The following SLC39A8 variants were observed in gnomAD, a reference collection of about 807,000 sequenced individuals.
SLC39A8 encodes the protein solute carrier family 39 member 8.
A neutral mutation model predicts 40.4 loss-of-function variants in SLC39A8; 15 were observed. That is an observed-to-expected ratio of 0.37 (90% CI 0.25 to 0.57). The LOEUF (loss-of-function observed/expected upper bound fraction) is 0.57, where lower values mean the gene tolerates loss of function less well. Ranked by LOEUF, SLC39A8 falls within the 20% of genes least tolerant of loss-of-function variation. SLC39A8 has a pLI of 0.75. For missense variants in SLC39A8, 472 were observed against 558.8 expected, an observed-to-expected ratio of 0.84 and a Z score of 1.57; for synonymous variants, 223 against 221.6, an observed-to-expected ratio of 1.01 and a Z score of -0.06.
intron 6 of SLC39A8, among the ~76,000 whole-genome samples, chr4:102,292,514 C>T (rs7655493): frequency 0.42 from 64,433 of 151,826 alleles, 13,782 homozygotes; most frequent in Non-Finnish European, 0.44. Flanking sequence ...AATCCATCTA[C>T]TTTTGAATCT....
chr4:102,284,841 T>TG (rs1560537319), intron 6 of SLC39A8, among the ~76,000 whole-genome samples: 11 of 56,882 alleles, frequency 1.9e-4, no homozygotes, highest in African/African-American at 1.2e-3. Flanking sequence ...CCCAGGAAAC[T>TG]ATAATGATGG....
At chr4:102,304,189 A>C in intron 6 of SLC39A8, 128 bp downstream of exon 6, 1 of 603,370 alleles carries the variant, frequency 1.7e-6, no homozygotes, top group South Asian at 2.8e-5. Context: ...CATTCCAGTT[A>C]CCCCACATAT....
chr4:102,306,495 A>G (rs1312430838), intron 4 of SLC39A8, among the ~76,000 whole-genome samples: 1 of 73,274 alleles, frequency 1.4e-5, no homozygotes, highest in Non-Finnish European at 2.6e-5. Context: ...CTATAACTCT[A>G]AAAAGTTATA....
At chr4:102,317,925 C>T (rs529369753) in intron 2 of SLC39A8, among the ~76,000 whole-genome samples, 9 of 152,244 alleles carry the variant, frequency 5.9e-5, no homozygotes, top group African/African-American at 2.2e-4. Context: ...GCACAGTCTG[C>T]ATTTTTTAAT....
At chr4:102,304,907 A>T in intron 5 of SLC39A8, 82 bp downstream of exon 5, 4 of 1,268,930 alleles carry the variant, frequency 3.2e-6, no homozygotes, top group Non-Finnish European at 4.4e-6. Context: ...TAATTCTAAA[A>T]ATAAAATTTC....
intron 8 of SLC39A8, among the ~76,000 whole-genome samples, chr4:102,267,207 G>T (rs1560526416): frequency 6.7e-6 from 1 of 149,764 alleles, no homozygotes; most frequent in Non-Finnish European, 1.5e-5. Context: ...CAACCACAAG[G>T]GGAATAGAGA....
intron 6 of SLC39A8, among the ~76,000 whole-genome samples, chr4:102,303,547 T>C (rs1734006784): frequency 6.6e-6 from 1 of 151,868 alleles, no homozygotes; most frequent in African/African-American, 2.4e-5. Context: ...TAGCCTACAG[T>C]GAAAGAAAAG....
chr4:102,275,661 C>A (rs961648348), intron 6 of SLC39A8, among the ~76,000 whole-genome samples: 2 of 152,022 alleles, frequency 1.3e-5, no homozygotes, highest in Non-Finnish European at 2.9e-5. Flanking sequence ...AACTCTCCAC[C>A]CCCAAATCAA....
chr4:102,282,888 G>A (rs1314971255), intron 6 of SLC39A8, among the ~76,000 whole-genome samples: 1 of 151,958 alleles, frequency 6.6e-6, no homozygotes, highest in Non-Finnish European at 1.5e-5. Flanking sequence ...CACCATGCCT[G>A]GCTAATTTTT....
At chr4:102,271,515 C>G (rs1332297613) in intron 6 of SLC39A8, among the ~76,000 whole-genome samples, 1 of 152,160 alleles carries the variant, frequency 6.6e-6, no homozygotes, top group Non-Finnish European at 1.5e-5. Context: ...ATCTGGCTTT[C>G]CAGCACTAAA....
intron 6 of SLC39A8, among the ~76,000 whole-genome samples, chr4:102,297,595 C>T (rs1733733328): frequency 6.6e-6 from 1 of 151,854 alleles, no homozygotes; most frequent in Non-Finnish European, 1.5e-5. Flanking sequence ...TGTTTGTAGA[C>T]ACGGGAAAAG....
chr4:102,320,925 A>C (rs1391949161), intron 2 of SLC39A8, among the ~76,000 whole-genome samples: 1 of 151,848 alleles, frequency 6.6e-6, no homozygotes. Flanking sequence ...AATATCAAGT[A>C]TAGTAGCCAT....
intron 6 of SLC39A8, among the ~76,000 whole-genome samples, 179 bp downstream of exon 6, chr4:102,304,138 G>A (rs1734031337): frequency 6.6e-6 from 1 of 151,796 alleles, no homozygotes; most frequent in Non-Finnish European, 1.5e-5. Flanking sequence ...CTTGTTTAGA[G>A]TAAACATATA....
At chr4:102,278,697 T>C (rs1732733736) in intron 6 of SLC39A8, among the ~76,000 whole-genome samples, 1 of 152,172 alleles carries the variant, frequency 6.6e-6, no homozygotes, top group Non-Finnish European at 1.5e-5. Flanking sequence ...CATGTATGTT[T>C]ACTGCTGCAC....
chr4:102,329,447 A>T (rs187782893), intron 2 of SLC39A8, among the ~76,000 whole-genome samples: 5 of 151,780 alleles, frequency 3.3e-5, no homozygotes, highest in African/African-American at 1.2e-4. Flanking sequence ...ATATGGTGAA[A>T]CCCTGTCTCT....
chr4:102,327,694 C>A (rs1179813974), intron 2 of SLC39A8, among the ~76,000 whole-genome samples: 1 of 152,154 alleles, frequency 6.6e-6, no homozygotes, highest in East Asian at 1.9e-4. Flanking sequence ...CTTTTTATAT[C>A]TTCTTCAACC....
chr4:102,323,057 T>A (rs1735031566), intron 2 of SLC39A8, among the ~76,000 whole-genome samples: 1 of 152,184 alleles, frequency 6.6e-6, no homozygotes, highest in South Asian at 2.1e-4. Context: ...TATGCAGCTG[T>A]GATGAAAGCC....
chr4:102,272,946 C>T (rs1261281379), intron 6 of SLC39A8, among the ~76,000 whole-genome samples: 3 of 152,176 alleles, frequency 2.0e-5, no homozygotes, highest in African/African-American at 7.2e-5. Flanking sequence ...GTCTTTGCAA[C>T]CTACAGACCA....
At chr4:102,259,386 A>T, downstream of SLC39A8, 1 of 1,095,848 alleles carries the variant, frequency 9.1e-7, no homozygotes, top group Non-Finnish European at 1.3e-6. Context: ...CTGCAGAAGG[A>T]ATTAAGCCAT....
Sources: gnomAD v4.1 joint callset for allele counts (sites outside exome capture counted in the v4.1 genomes callset) on GRCh38, gnomAD v4.1.1 for gene constraint, MANE v1.5 for transcripts, NCBI Gene and HGNC (gene_info 2026-07-23, HGNC 2026-07-21) for gene names.